RAD51B: variants seen among roughly 807,000 people sequenced by gnomAD.
RAD51B encodes DNA repair protein RAD51 homolog 2.
RAD51B carries 38 observed loss-of-function variants against 42.2 expected under a neutral mutation model. The observed-to-expected ratio is 0.90, with a 90% confidence interval of 0.70 to 1.18. The LOEUF (loss-of-function observed/expected upper bound fraction) is 1.18, where lower values mean the gene tolerates loss of function less well. Ranked by LOEUF, RAD51B falls within the 50% of genes most tolerant of loss-of-function variation. The pLI, the probability that RAD51B is intolerant of heterozygous loss-of-function variation, is 0.00. For synonymous variants in RAD51B, 154 were observed against 145.2 expected, an observed-to-expected ratio of 1.06 and a Z score of -0.43; for missense variants, 373 against 400.7, an observed-to-expected ratio of 0.93 and a Z score of 0.59.
At chr14:68,155,386 G>T (rs1482581615) in intron 7 of RAD51B, among the ~76,000 whole-genome samples, 1 of 151,934 alleles carries the variant, frequency 6.6e-6, no homozygotes, top group African/African-American at 2.4e-5. Context: ...TAGAGACGGG[G>T]TTTCACCATG....
At chr14:68,234,451 C>A (rs1295608518) in intron 7 of RAD51B, among the ~76,000 whole-genome samples, 1 of 152,188 alleles carries the variant, frequency 6.6e-6, no homozygotes, top group Non-Finnish European at 1.5e-5. Context: ...GTGATTTCAA[C>A]ATTATGCAAA....
intron 10 of RAD51B, chr14:68,540,711 A>C: frequency 1.0e-6 from 1 of 985,358 alleles, no homozygotes; most frequent in Non-Finnish European, 1.2e-6. Flanking sequence ...AACCAAAAGA[A>C]AGAGAGGGTG....
chr14:68,634,453 G>C (rs114618847), intron 10 of RAD51B, among the ~76,000 whole-genome samples: 1 of 152,090 alleles, frequency 6.6e-6, no homozygotes, highest in African/African-American at 2.4e-5. Context: ...TTGTGATGTG[G>C]GGAGGAGAGA....
chr14:68,613,477 G>A (rs1428789418), downstream of RAD51B, among the ~76,000 whole-genome samples: 2 of 139,498 alleles, frequency 1.4e-5, no homozygotes, highest in South Asian at 2.3e-4. Context: ...TTTTTGAGAT[G>A]GAGTCTCACT....
chr14:68,266,729 C>G (rs1178359019), intron 7 of RAD51B, among the ~76,000 whole-genome samples: 1 of 152,206 alleles, frequency 6.6e-6, no homozygotes, highest in African/African-American at 2.4e-5. Context: ...TCTGACTCTA[C>G]TACTTAAGAG....
chr14:67,937,869 G>A (rs755213025), intron 7 of RAD51B, among the ~76,000 whole-genome samples: 1 of 152,116 alleles, frequency 6.6e-6, no homozygotes, highest in Non-Finnish European at 1.5e-5. Flanking sequence ...GGGCATATCT[G>A]GCAAGTTACA....
chr14:68,629,360 A>C (rs761972030), intron 10 of RAD51B, among the ~76,000 whole-genome samples: 1 of 152,174 alleles, frequency 6.6e-6, no homozygotes, highest in Non-Finnish European at 1.5e-5. Context: ...TAAGAACCCC[A>C]AAACCCACCT....
intron 7 of RAD51B, among the ~76,000 whole-genome samples, chr14:68,277,134 C>T (rs567011610): frequency 1.3e-5 from 2 of 152,230 alleles, no homozygotes; most frequent in Admixed American, 1.3e-4. Context: ...TTCCATAGTC[C>T]TCTCTTGGAA....
chr14:68,015,501 T>C (rs1328091339), intron 7 of RAD51B, among the ~76,000 whole-genome samples: 2 of 152,180 alleles, frequency 1.3e-5, no homozygotes, highest in Non-Finnish European at 2.9e-5. Context: ...TTCATAATCA[T>C]GGTGGAAGGC....
chr14:67,907,374 A>G (rs1246594094), intron 7 of RAD51B, among the ~76,000 whole-genome samples: 1 of 152,032 alleles, frequency 6.6e-6, no homozygotes, highest in African/African-American at 2.4e-5. Flanking sequence ...CTGCTGCTTA[A>G]TATTTTGTTA....
intron 7 of RAD51B, among the ~76,000 whole-genome samples, chr14:67,931,496 A>ATT (rs1290308063): frequency 8.9e-6 from 1 of 112,418 alleles, no homozygotes; most frequent in African/African-American, 3.4e-5. Context: ...TTTTTCTGGG[A>ATT]TTTCTTTTTT....
intron 7 of RAD51B, among the ~76,000 whole-genome samples, chr14:68,272,666 T>TATATATATATATATA (rs58623449): frequency 0.011 from 52 of 4,946 alleles, no homozygotes; most frequent in Admixed American, 0.015. Context: ...TATATATATA[T>TATATATATATATATA]TTTTTTTTTT....
At chr14:68,388,653 C>T (rs3966077) in intron 8 of RAD51B, among the ~76,000 whole-genome samples, 130,751 of 152,182 alleles carry the variant, frequency 0.86, 56,500 homozygotes, top group East Asian at 0.97. Context: ...AAAATACTTA[C>T]TGAACCCCAA....
At chr14:67,849,431 G>A (rs775342432) in intron 4 of RAD51B, among the ~76,000 whole-genome samples, 15 of 152,028 alleles carry the variant, frequency 9.9e-5, no homozygotes, top group Admixed American at 3.3e-4. Flanking sequence ...ACAGGCATGC[G>A]CCACCACACC....
chr14:68,281,628 T>C (rs2081320956), intron 7 of RAD51B, among the ~76,000 whole-genome samples: 1 of 152,156 alleles, frequency 6.6e-6, no homozygotes, highest in Admixed American at 6.5e-5. Flanking sequence ...GCTAAGACCA[T>C]TCTGTGAACA....
intron 7 of RAD51B, among the ~76,000 whole-genome samples, chr14:68,069,394 A>G (rs1389597500): frequency 6.6e-6 from 1 of 152,118 alleles, no homozygotes; most frequent in Non-Finnish European, 1.5e-5. Context: ...AGTAATCAGC[A>G]TAATACCCAA....
intron 10 of RAD51B, among the ~76,000 whole-genome samples, chr14:68,490,990 A>C (rs1223963025): frequency 6.6e-6 from 1 of 152,368 alleles, no homozygotes; most frequent in Non-Finnish European, 1.5e-5. Context: ...ACTAGCCTAC[A>C]ACTTTGTAGT....
At chr14:68,476,857 G>C (rs1446838819) in intron 10 of RAD51B, among the ~76,000 whole-genome samples, 1 of 152,166 alleles carries the variant, frequency 6.6e-6, no homozygotes, top group Non-Finnish European at 1.5e-5. Context: ...ACAGAACTAA[G>C]GGCTTGCATT....
intron 3 of RAD51B, among the ~76,000 whole-genome samples, chr14:67,831,142 C>T (rs189625466): frequency 4.0e-5 from 6 of 151,874 alleles, no homozygotes; most frequent in Admixed American, 6.6e-5. Flanking sequence ...CCCAAAGTGC[C>T]GGGATTACAG....
Sources: gnomAD v4.1 joint callset for allele counts (sites outside exome capture counted in the v4.1 genomes callset) on GRCh38, gnomAD v4.1.1 for gene constraint, MANE v1.5 for transcripts, NCBI Gene and HGNC (gene_info 2026-07-23, HGNC 2026-07-21) for gene names.